The following TECR variants were observed in gnomAD, a reference collection of about 807,000 sequenced individuals.
TECR encodes the protein very-long-chain enoyl-CoA reductase.
Under a neutral mutation model 50.6 loss-of-function variants are expected in TECR, and 19 were observed. The ratio of observed to expected loss-of-function variants is 0.38; its 90% CI spans 0.26 to 0.55. The LOEUF is 0.55. TECR is among the 20% of genes least tolerant of loss of function. The pLI is 0.79. For synonymous variants in TECR, 168 were observed against 163.5 expected, an observed-to-expected ratio of 1.03 and a Z score of -0.21; for missense variants, 313 against 408.3, an observed-to-expected ratio of 0.77 and a Z score of 2.01.
chr19:14,563,158 T>A lies in TECR; in HGVS notation c.67-48T>A. 6.2e-7 allele frequency: 1 copy of A among 1,613,346 alleles called. No individual in the cohort carries two copies. Among genetic ancestry groups the A allele is most frequent in the Middle Eastern group, 1.7e-4 (1 of 6,056 alleles). ...CCCTTTAGTACCTCCCCATCCTGAG[T>A]CTGGGCTCCCCGCAGAGCTGACGTC... On this transcript the variant is annotated intron_variant, in intron 2 of 12. Transcript: ENST00000215567. This position sits in a 1 kb window ranked among gnomAD's most constrained non-coding sequence, Gnocchi z 5.3.
At chr19:14,531,670 C>T (rs1477772997) in intron 1 of TECR, 1 of 152,206 alleles carries the variant, frequency 6.6e-6, no homozygotes, top group African/African-American at 2.4e-5. Context: ...GATCCACCCA[C>T]CTTGGCCTCC....
intron 1 of TECR, among the ~76,000 whole-genome samples, chr19:14,545,396 C>T (rs1332339313): frequency 6.6e-6 from 1 of 152,224 alleles, no homozygotes; most frequent in Non-Finnish European, 1.5e-5. Context: ...CCACTGTGGC[C>T]CTCTGGGCCC....
intron 1 of TECR, among the ~76,000 whole-genome samples, chr19:14,535,776 A>AG (rs1437884419): frequency 6.9e-6 from 1 of 145,528 alleles, no homozygotes; most frequent in African/African-American, 2.5e-5. Flanking sequence ...AAAAAAAAAA[A>AG]AGGGAAAGTG....
intron 1 of TECR, among the ~76,000 whole-genome samples, chr19:14,545,523 CCT>C (rs2073276682): frequency 6.6e-6 from 1 of 152,156 alleles, no homozygotes. Context: ...GGGGGGATAG[CCT>C]CTCTCAGTCG....
chr19:14,558,755 TCAGCCCCTCC>T (rs1265614342), intron 1 of TECR, among the ~76,000 whole-genome samples: 2 of 152,112 alleles, frequency 1.3e-5, no homozygotes, highest in Admixed American at 6.5e-5. Context: ...CCAGAGCATC[TCAGCCCCTCC>T]CAGCCCCTCC....
At chr19:14,536,320 A>G (rs1238462135) in intron 1 of TECR, among the ~76,000 whole-genome samples, 1 of 144,016 alleles carries the variant, frequency 6.9e-6, no homozygotes, top group Non-Finnish European at 1.5e-5. Context: ...CCCAGGCTGG[A>G]GTGCAGTGGT....
At chr19:14,530,397 C>T (rs376490364) in intron 1 of TECR, 1 of 152,356 alleles carries the variant, frequency 6.6e-6, no homozygotes, top group Non-Finnish European at 1.5e-5. Context: ...GTGCTTATCG[C>T]CCTAGGTGAT....
intron 1 of TECR, among the ~76,000 whole-genome samples, chr19:14,552,757 T>G (rs6511938): frequency 6.6e-6 from 1 of 151,616 alleles, no homozygotes. Flanking sequence ...AGGATGGTCT[T>G]GATCTCCTGA....
At chr19:14,550,386 T>A (rs1285233316) in intron 1 of TECR, among the ~76,000 whole-genome samples, 1 of 152,108 alleles carries the variant, frequency 6.6e-6, no homozygotes, top group East Asian at 1.9e-4. Flanking sequence ...GACTAACCTG[T>A]CTGCTGGACT....
At chr19:14,562,341 T>C in intron 1 of TECR, 184 bp from the exon 2 acceptor site, 1 of 686,724 alleles carries the variant, frequency 1.5e-6, no homozygotes, top group Non-Finnish European at 2.7e-6. Context: ...GGCCGGCAGC[T>C]GGGGCTGCTG....
chr19:14,536,351 C>T (rs1397218694), intron 1 of TECR, among the ~76,000 whole-genome samples: 4 of 151,060 alleles, frequency 2.6e-5, no homozygotes, highest in African/African-American at 9.8e-5. Context: ...CTCACTGCAA[C>T]CTCTGCCTCC....
At chr19:14,550,362 A>C (rs2073455167) in intron 1 of TECR, among the ~76,000 whole-genome samples, 1 of 152,104 alleles carries the variant, frequency 6.6e-6, no homozygotes, top group Non-Finnish European at 1.5e-5. Flanking sequence ...TGGCAAGCTG[A>C]GCTCATGGGG....
chr19:14,565,906 C>G lies in TECR; in HGVS notation c.*35C>G. On this transcript the variant is annotated 3_prime_UTR_variant, in exon 13 of 13. Coordinates refer to ENST00000215567, the MANE Select transcript of TECR (RefSeq NM_138501.6). ...CCTGCTGAGGCTCAGCCCCTCAACC[C>G]GGTGGCATTCTGGGGGAGGAGTGGG... The G allele has an allele frequency of 6.4e-7, 1 of 1,553,748 alleles. No individual in the cohort carries two copies. The highest frequency in any genetic ancestry group is 1.2e-5 in the South Asian group (1 of 85,474).
At position 14,563,503 on chromosome 19, in the gene TECR, G is replaced by T; in HGVS notation, c.119-155G>T. The T allele has an allele frequency of 9.9e-7, 1 of 1,007,684 alleles. No individual in the cohort carries two copies. The highest frequency in any genetic ancestry group is 2.0e-5 in the Admixed American group (1 of 49,670). 62.4% of individuals were successfully genotyped at this position (1,007,684 alleles called of 1,614,324 possible). On this transcript the variant is annotated intron_variant, in intron 3 of 12. Transcript: ENST00000215567. The surrounding 1 kb of genome is among the most constrained non-coding windows in gnomAD (Gnocchi z 5.3). ...CTCTTCTGGCTTGTGTCCTGAAACC[G>T]CACAAGCCTGAGGGTTTGCCCCCAG...
At chr19:14,557,761 ATTC>A (rs1043535765) in intron 1 of TECR, among the ~76,000 whole-genome samples, 1 of 122,792 alleles carries the variant, frequency 8.1e-6, no homozygotes, top group Admixed American at 8.3e-5. Flanking sequence ...CATCATATTT[ATTC>A]TTTTTTTTTG....
At chr19:14,550,862 G>A (rs747595215) in intron 1 of TECR, among the ~76,000 whole-genome samples, 35 of 151,788 alleles carry the variant, frequency 2.3e-4, no homozygotes, top group Admixed American at 6.6e-4. Context: ...TGTAGAGACA[G>A]GGTTTCACCA....
chr19:14,547,062 TATTATA>T (rs1434915993), intron 1 of TECR, among the ~76,000 whole-genome samples: 1 of 152,188 alleles, frequency 6.6e-6, no homozygotes, highest in Non-Finnish European at 1.5e-5. Flanking sequence ...CATAAACATG[TATTATA>T]ATAAGATCCT....
chr19:14,564,672 A>G, intron 7 of TECR, 114 bp from the exon 8 acceptor site: 1 of 1,161,986 alleles, frequency 8.6e-7, no homozygotes, highest in East Asian at 2.4e-5. Flanking sequence ...CCCCGCCCCA[A>G]GGCCCCTCCT....
At chr19:14,564,914 C>T (rs1376755093) in intron 8 of TECR, 35 bp from the exon 9 acceptor site, 2 of 1,614,084 alleles carry the variant, frequency 1.2e-6, no homozygotes, top group Admixed American at 3.3e-5. Context: ...AGCGGGTCCT[C>T]CCCTCATGGG....
Sources: gnomAD v4.1 joint callset for allele counts (sites outside exome capture counted in the v4.1 genomes callset) on GRCh38, gnomAD v4.1.1 for gene constraint, Gnocchi (gnomAD v3.1) non-coding constraint, MANE v1.5 for transcripts, NCBI Gene and HGNC (gene_info 2026-07-23, HGNC 2026-07-21) for gene names.